MPP7: variants seen among roughly 807,000 people sequenced by gnomAD.
MPP7 encodes the protein MAGUK p55 scaffold protein 7, also known as MAGUK p55 subfamily member 7.
A neutral mutation model predicts 76.5 loss-of-function variants in MPP7; 60 were observed. The observed-to-expected ratio is 0.78, with a 90% CI of 0.64 to 0.97. The LOEUF is 0.97. MPP7 is among the 50% of genes least tolerant of loss of function. The pLI is 0.00. For synonymous variants in MPP7, 237 were observed against 244.5 expected (o/e 0.97, Z 0.29); for missense variants, 641 against 694.0 (o/e 0.92, Z 0.86).
chr10:28,172,553 C>T (rs1374796534), intron 3 of MPP7, among the ~76,000 whole-genome samples: 2 of 148,532 alleles, frequency 1.3e-5, no homozygotes, highest in African/African-American at 5.2e-5. Flanking sequence ...TGACAATGAG[C>T]GGCAGCAGAA....
At chr10:28,215,648 C>T (rs1409287372) in intron 2 of MPP7, among the ~76,000 whole-genome samples, 3 of 152,116 alleles carry the variant, frequency 2.0e-5, no homozygotes, top group Non-Finnish European at 4.4e-5. Flanking sequence ...TAGGCTCATG[C>T]TTAGACTCTA....
At chr10:28,231,067 A>C (rs1026459482) in intron 2 of MPP7, among the ~76,000 whole-genome samples, 3 of 152,020 alleles carry the variant, frequency 2.0e-5, no homozygotes, top group Non-Finnish European at 4.4e-5. Flanking sequence ...TACTTATTGA[A>C]ATTAACCATA....
chr10:28,058,311 T>C (rs1341729899), intron 15 of MPP7, among the ~76,000 whole-genome samples, 184 bp downstream of exon 15: 2 of 152,228 alleles, frequency 1.3e-5, no homozygotes, highest in Non-Finnish European at 2.9e-5. Context: ...AATAATATTA[T>C]GGGCTTTTCT....
At chr10:28,274,075 C>G (rs1356361191) in intron 1 of MPP7, among the ~76,000 whole-genome samples, 1 of 151,754 alleles carries the variant, frequency 6.6e-6, no homozygotes, top group Non-Finnish European at 1.5e-5. Flanking sequence ...TCATGATACC[C>G]CATCTCTGTA....
chr10:28,142,603 C>CA (rs1835557956), intron 5 of MPP7, among the ~76,000 whole-genome samples: 2 of 152,028 alleles, frequency 1.3e-5, no homozygotes, highest in Admixed American at 6.6e-5. Flanking sequence ...TGGTGGCGTG[C>CA]ACCTGTAGTC....
chr10:28,210,195 G>A (rs886703011), intron 2 of MPP7, among the ~76,000 whole-genome samples: 6 of 152,148 alleles, frequency 3.9e-5, no homozygotes, highest in African/African-American at 1.4e-4. Context: ...CAGATCACTG[G>A]ACTTCTCGAC....
chr10:28,282,805 G>C (rs558270992), intron 1 of MPP7, among the ~76,000 whole-genome samples: 1 of 151,712 alleles, frequency 6.6e-6, no homozygotes, highest in Admixed American at 6.6e-5. Flanking sequence ...GTTCTGTGTC[G>C]GTGACCTCCT....
rs141987900 is a variant in MPP7 at position 28,199,169 on chromosome 10, G to C, written c.156+2984C>G. On this transcript the variant is annotated intron_variant, in intron 3 of 16. Coordinates refer to ENST00000683449, the MANE Select transcript of MPP7 (RefSeq NM_001318170.2). ...TCACTACCATGAGAAGAGTATGAGG[G>C]AAACCACCCCCCACGATTCGATTAT... 8.1e-4 allele frequency among the ~76,000 whole-genome samples: 123 copies of C among 152,094 alleles called. 1 individual carries two copies. The highest frequency in any genetic ancestry group is 2.7e-3 in the African/African-American group (113 of 41,504).
intron 3 of MPP7, among the ~76,000 whole-genome samples, chr10:28,157,416 A>G (rs1263695547): frequency 1.3e-5 from 2 of 152,226 alleles, no homozygotes; most frequent in African/African-American, 4.8e-5. Flanking sequence ...GGATCTGGTT[A>G]GGGAATGTGG....
At chr10:28,087,382 C>T (rs971312394) in intron 12 of MPP7, among the ~76,000 whole-genome samples, 5 of 152,072 alleles carry the variant, frequency 3.3e-5, no homozygotes, top group African/African-American at 1.2e-4. Context: ...CAGACTAACA[C>T]ATGCCTTTTT....
chr10:28,184,539 T>C (rs929495600), intron 3 of MPP7, among the ~76,000 whole-genome samples: 1 of 149,200 alleles, frequency 6.7e-6, no homozygotes, highest in Admixed American at 6.7e-5. Flanking sequence ...TGAAACTCTG[T>C]CTCTACTAAA....
intron 12 of MPP7, among the ~76,000 whole-genome samples, chr10:28,085,410 C>A (rs889250741): frequency 1.3e-5 from 2 of 152,140 alleles, no homozygotes; most frequent in African/African-American, 4.8e-5. Flanking sequence ...CTCTTAAAAA[C>A]AAGTTAAAAT....
At chr10:28,290,748 C>T (rs555812842) in intron 1 of MPP7, among the ~76,000 whole-genome samples, 8 of 152,288 alleles carry the variant, frequency 5.3e-5, no homozygotes, top group Non-Finnish European at 1.0e-4. Flanking sequence ...GCTGGGATTA[C>T]AGGCATGAGC....
chr10:28,096,959 C>A (rs149019321), intron 11 of MPP7, among the ~76,000 whole-genome samples: 1 of 152,150 alleles, frequency 6.6e-6, no homozygotes, highest in Non-Finnish European at 1.5e-5. Context: ...AAAGGTGATT[C>A]TTGGTCTAAA....
chr10:28,107,297 C>A (rs1420074967), intron 11 of MPP7, among the ~76,000 whole-genome samples: 1 of 152,148 alleles, frequency 6.6e-6, no homozygotes, highest in Non-Finnish European at 1.5e-5. Flanking sequence ...TTGCTTCAGG[C>A]TACGATGATC....
At chr10:28,299,766 C>CTTTTTTTTTTTT (rs59047415) in intron 1 of MPP7, among the ~76,000 whole-genome samples, 4 of 132,748 alleles carry the variant, frequency 3.0e-5, no homozygotes, top group East Asian at 2.5e-4. Flanking sequence ...AAATTCAAGA[C>CTTTTTTTTTTTT]TTTTTTTTTT....
chr10:28,298,927 A>C (rs1364766633), intron 1 of MPP7, among the ~76,000 whole-genome samples: 1 of 152,158 alleles, frequency 6.6e-6, no homozygotes, highest in African/African-American at 2.4e-5. Context: ...TCTAGCTTCC[A>C]ACTTTTCTTC....
In MPP7 at chr10:28,101,854, G is replaced by A. The variant is rs7075961; in HGVS notation, c.953-12013C>T. ...ATGCTGATGGTTCGACCATCGAGAA[G>A]CAATTATACTTTGGAAGCAAACATA... On this transcript the variant is annotated intron_variant, in intron 11 of 16. Transcript: ENST00000683449. 6.1e-3 allele frequency among the ~76,000 whole-genome samples: 920 copies of A among 151,820 alleles called. 12 individuals are homozygous for A. The highest frequency in any genetic ancestry group is 0.018 in the African/African-American group (738 of 41,372).
At position 28,254,004 on chromosome 10, in the gene MPP7, G is replaced by GAAA. The variant is rs199511617; in HGVS notation, c.-131-15272_-131-15270dup. ...GAGAGAGAGTCTGTCTCACAAAAAA[G>GAAA]AAAAAAAAAAAAAAAAAAAAAAAAA... On this transcript the variant is annotated intron_variant, in intron 1 of 16. Coordinates refer to ENST00000683449, the MANE Select transcript of MPP7 (RefSeq NM_001318170.2). Among the ~76,000 whole-genome samples, 92 of 92,340 alleles carry GAAA rather than the reference G, an allele frequency of 1.0e-3. 4 individuals are homozygous for GAAA. The highest frequency in any genetic ancestry group is 1.4e-3 in the Non-Finnish European group (67 of 48,616). 60.6% of individuals were successfully genotyped at this position (92,340 alleles called of 152,430 possible).
Sources: allele counts gnomAD v4.1 joint callset (sites outside exome capture counted in the v4.1 genomes callset), GRCh38; gene constraint gnomAD v4.1.1; transcripts MANE v1.5; gene names NCBI Gene and HGNC (gene_info 2026-07-23, HGNC 2026-07-21).